The following HACD3 variants were observed in gnomAD, a reference collection of about 807,000 sequenced individuals.
HACD3 encodes the protein 3-hydroxyacyl-CoA dehydratase 3.
HACD3 carries 30 observed loss-of-function variants against 55.2 expected under a neutral mutation model. That is an observed-to-expected ratio of 0.54 (90% CI 0.41 to 0.74). HACD3 has a LOEUF of 0.74. Ranked by LOEUF, HACD3 falls within the 30% of genes least tolerant of loss-of-function variation. The pLI is 0.00. For missense variants in HACD3, 363 were observed against 440.1 expected (o/e 0.82, Z 1.57); for synonymous variants, 141 against 151.7 (o/e 0.93, Z 0.52).
intron 8 of HACD3, among the ~76,000 whole-genome samples, chr15:65,571,226 G>T (rs2072344387): frequency 6.6e-6 from 1 of 152,170 alleles, no homozygotes; most frequent in South Asian, 2.1e-4. Flanking sequence ...CAGAAATAAA[G>T]TATCTAATAT....
intron 8 of HACD3, among the ~76,000 whole-genome samples, chr15:65,570,816 T>C (rs1372598574): frequency 6.6e-6 from 1 of 152,156 alleles, no homozygotes; most frequent in African/African-American, 2.4e-5. Context: ...AGCTCCAGGT[T>C]TGGTGGTATT....
At chr15:65,576,222 A>G in intron 10 of HACD3, 81 bp from the exon 11 acceptor site, 1 of 1,522,734 alleles carries the variant, frequency 6.6e-7, no homozygotes, top group Non-Finnish European at 8.8e-7. Flanking sequence ...GACGACAGCT[A>G]GATACTGTCC....
intron 9 of HACD3, among the ~76,000 whole-genome samples, chr15:65,571,914 G>A (rs1225268459): frequency 6.6e-6 from 1 of 152,206 alleles, no homozygotes; most frequent in Non-Finnish European, 1.5e-5. Flanking sequence ...GTATTCCAAA[G>A]GGGGTTCTTA....
chr15:65,532,973 C>T (rs538817717), intron 1 of HACD3, among the ~76,000 whole-genome samples: 1 of 152,252 alleles, frequency 6.6e-6, no homozygotes, highest in East Asian at 1.9e-4. Context: ...GATGTTGAAC[C>T]AGGTATCTGG....
rs530447296 is a variant in HACD3, at chr15:65,560,893, C to T, written c.422-1881C>T. ...CTTCTCCAGCCTAATGTCGTTTTTT[C>T]ACCTTGAAAGTTTCACAAGACATTA... On this transcript the variant is annotated intron_variant, in intron 5 of 10. Coordinates refer to ENST00000261875, the MANE Select transcript of HACD3 (RefSeq NM_016395.4). Among the ~76,000 whole-genome samples the T allele has an allele frequency of 6.0e-5, 9 of 150,194 alleles. No individual in the cohort carries two copies. The South Asian group carries it at 1.9e-3, about 33-fold the overall frequency.
chr15:65,556,882 G>A lies in HACD3; in HGVS notation c.348G>A (p.Ala116=), dbSNP rs537695504. ...DFDRWLDESD[A]EMELRAKEEE... The stretch of plus-strand genomic sequence containing the variant: ...ATCGTTGGCTGGATGAATCTGATGC[G>A]GAAATGGAGCTCAGAGCTAAGGTTA... Residue 116 remains alanine (A), a synonymous_variant, in exon 4 of 11, where the codon GCG becomes GCA. Coordinates refer to ENST00000261875, the MANE Select transcript of HACD3 (RefSeq NM_016395.4). 1.3e-4 allele frequency: 203 copies of A among 1,612,572 alleles called. No homozygotes were observed. In the South Asian group the frequency reaches 1.8e-3, roughly 14 times the overall value.
chr15:65,571,569 G>T lies in HACD3; in HGVS notation c.795G>T (p.Thr265=). 1 of 1,613,394 alleles carries T rather than the reference G, an allele frequency of 6.2e-7. No individual in the cohort carries two copies. Among genetic ancestry groups the T allele is most frequent in the Non-Finnish European group, 8.5e-7 (1 of 1,179,386 alleles). Residue 265 remains threonine, a synonymous_variant, in exon 9 of 11, where the codon ACG becomes ACT. Coordinates refer to ENST00000261875, the MANE Select transcript of HACD3 (RefSeq NM_016395.4). ...ATAGGTACTCTTTCTACATGCTGAC[G>T]TGCATTGACATGGATTGGAAGGTGC... is the stretch of plus-strand genomic sequence containing the variant. ...EIFRYSFYML[T]CIDMDWKVLT...
intron 7 of HACD3, 47 bp from the exon 8 acceptor site, chr15:65,570,044 A>G: frequency 8.0e-7 from 1 of 1,255,382 alleles, no homozygotes; most frequent in Middle Eastern, 2.2e-4. Context: ...CTATAACTTT[A>G]CATATATTTT....
intron 5 of HACD3, among the ~76,000 whole-genome samples, chr15:65,560,886 G>A (rs989854623): frequency 6.6e-6 from 1 of 150,970 alleles, no homozygotes; most frequent in East Asian, 1.9e-4. Context: ...GCCTAATGTC[G>A]TTTTTTCACC....
intron 5 of HACD3, among the ~76,000 whole-genome samples, chr15:65,560,540 C>G (rs536873417): frequency 2.6e-5 from 4 of 152,128 alleles, no homozygotes; most frequent in Admixed American, 6.5e-5. Context: ...GCTCATGCCT[C>G]TAATCCCAGC....
intron 1 of HACD3, among the ~76,000 whole-genome samples, chr15:65,547,642 A>G (rs1032473396): frequency 1.3e-5 from 2 of 152,238 alleles, no homozygotes; most frequent in African/African-American, 4.8e-5. Flanking sequence ...CCTTTTAAAG[A>G]CTGCAGCCTC....
intron 1 of HACD3, among the ~76,000 whole-genome samples, chr15:65,546,525 T>TA (rs1487614722): frequency 6.6e-6 from 1 of 152,158 alleles, no homozygotes; most frequent in East Asian, 1.9e-4. Context: ...ACCCCCACCC[T>TA]AAAAAAACCA....
intron 10 of HACD3, among the ~76,000 whole-genome samples, chr15:65,572,914 C>CAAAA (rs60226731): frequency 2.5e-4 from 27 of 106,040 alleles, no homozygotes; most frequent in African/African-American, 4.3e-4. Context: ...GACTTTGTCT[C>CAAAA]AAAAAAAAAA....
chr15:65,578,163 CTTGT>C lies in HACD3; in HGVS notation c.*1789_*1792del, dbSNP rs1355063907. ...TGCATGTCTGTAACACCTGTCAATA[CTTGT>C]TTGTATTGATTTCTGATATTCTTGC... On this transcript the variant is annotated 3_prime_UTR_variant, in exon 11 of 11. Coordinates refer to ENST00000261875, the MANE Select transcript of HACD3 (RefSeq NM_016395.4). 2 of 152,182 alleles carry C rather than the reference CTTGT, an allele frequency of 1.3e-5. No individual in the cohort carries two copies. The highest frequency in any genetic ancestry group is 4.8e-5 in the African/African-American group (2 of 41,438). 9.4% of individuals were successfully genotyped at this position (152,182 alleles called of 1,614,324 possible).
chr15:65,534,968 A>G (rs1432488116), intron 1 of HACD3, among the ~76,000 whole-genome samples: 2 of 152,240 alleles, frequency 1.3e-5, no homozygotes, highest in Non-Finnish European at 2.9e-5. Flanking sequence ...CTATTCATAT[A>G]TGAAAAGTTA....
At chr15:65,562,988 A>G (rs1470918635) in intron 6 of HACD3, 104 bp downstream of exon 6, 1 of 1,503,624 alleles carries the variant, frequency 6.7e-7, no homozygotes, top group African/African-American at 1.4e-5. Context: ...TAACCCCTGC[A>G]TTTGTGCAGC....
intron 7 of HACD3, among the ~76,000 whole-genome samples, chr15:65,569,082 C>T (rs2072322408): frequency 6.6e-6 from 1 of 151,646 alleles, no homozygotes; most frequent in Non-Finnish European, 1.5e-5. Flanking sequence ...CCCGTCTCTA[C>T]TAAAAAATAG....
At chr15:65,575,380 G>C (rs770440217) in intron 10 of HACD3, among the ~76,000 whole-genome samples, 1 of 151,978 alleles carries the variant, frequency 6.6e-6, no homozygotes, top group Non-Finnish European at 1.5e-5. Flanking sequence ...TAGAGATGGG[G>C]CGTCACAATG....
In HACD3 at chr15:65,546,752, T is replaced by G. The variant is rs1394792809; in HGVS notation, c.88-4924T>G. Reference sequence around the variant, plus strand: ...CACCATGCCTGGCCTAGTTTTTCAATTTTTTTGTAGATTTAAATGTTTTCA... The same window carrying G: ...CACCATGCCTGGCCTAGTTTTTCAAGTTTTTTGTAGATTTAAATGTTTTCA... On this transcript the variant is annotated intron_variant, in intron 1 of 10. Coordinates refer to ENST00000261875, the MANE Select transcript of HACD3 (RefSeq NM_016395.4). 2.0e-5 allele frequency among the ~76,000 whole-genome samples: 3 copies of G among 152,072 alleles called. 1 individual carries two copies. In the South Asian group the frequency reaches 6.2e-4, roughly 31 times the overall value.
Sources: allele counts gnomAD v4.1 joint callset (sites outside exome capture counted in the v4.1 genomes callset), GRCh38; gene constraint gnomAD v4.1.1; transcripts MANE v1.5; gene names NCBI Gene and HGNC (gene_info 2026-07-23, HGNC 2026-07-21).